Variants in CAMK2D observed in about 807,000 individuals in gnomAD.
CAMK2D encodes calcium/calmodulin-dependent protein kinase type II subunit delta.
In CAMK2D, 37 loss-of-function variants were observed where a neutral mutation model predicts 84.0. That is an observed-to-expected ratio of 0.44 (90% confidence interval 0.34 to 0.58). The LOEUF (loss-of-function observed/expected upper bound fraction) is 0.58. Ranked by LOEUF, CAMK2D falls within the 20% of genes least tolerant of loss-of-function variation. The pLI is 0.02. For synonymous variants in CAMK2D, 202 were observed against 212.5 expected (o/e 0.95, Z 0.43); for missense variants, 448 against 652.5 (o/e 0.69, Z 3.41).
chr4:113,671,992 T>C (rs540365593), intron 2 of CAMK2D, among the ~76,000 whole-genome samples: 7 of 152,336 alleles, frequency 4.6e-5, no homozygotes, highest in African/African-American at 1.7e-4. Flanking sequence ...ACCTCCCAGA[T>C]TGCATACATG....
intron 16 of CAMK2D, among the ~76,000 whole-genome samples, chr4:113,492,614 T>C (rs1417800244): frequency 6.6e-6 from 1 of 151,562 alleles, no homozygotes; most frequent in Non-Finnish European, 1.5e-5. Context: ...AAAATGTATA[T>C]TCTGTTGATT....
chr4:113,495,693 A>C (rs1192865781), intron 16 of CAMK2D, among the ~76,000 whole-genome samples: 1 of 152,174 alleles, frequency 6.6e-6, no homozygotes, highest in Non-Finnish European at 1.5e-5. Context: ...CCTCATTACT[A>C]CTACCTAGTA....
At chr4:113,554,992 A>G (rs1057093007) in intron 4 of CAMK2D, among the ~76,000 whole-genome samples, 1 of 152,020 alleles carries the variant, frequency 6.6e-6, no homozygotes, top group African/African-American at 2.4e-5. Context: ...AAAAAATGAG[A>G]TATGTATCAG....
chr4:113,665,966 T>C (rs929218756), intron 2 of CAMK2D, among the ~76,000 whole-genome samples: 1 of 152,248 alleles, frequency 6.6e-6, no homozygotes, highest in African/African-American at 2.4e-5. Context: ...AATGTTGTTA[T>C]AACATTGCTT....
Position 113,530,166 on chromosome 4 carries a change from G to GTTT in CAMK2D, c.601+1047_601+1049dup, listed in dbSNP as rs1277302189. Among the ~76,000 whole-genome samples the GTTT allele has an allele frequency of 2.6e-5, 4 of 152,206 alleles. No homozygotes were observed. The East Asian group carries it at 7.7e-4, about 29-fold the overall frequency. On this transcript the variant is annotated intron_variant, in intron 8 of 20. Coordinates refer to ENST00000511664, the MANE Select transcript of CAMK2D (RefSeq NM_001321571.2). ...ATCCAAAATGCTAAGGACCAGAAAT[G>GTTT]TTTCAGATTTTGGATTTTTTCAGAT...
intron 17 of CAMK2D, among the ~76,000 whole-genome samples, chr4:113,464,120 T>G (rs562470116): frequency 6.6e-6 from 1 of 152,222 alleles, no homozygotes; most frequent in African/African-American, 2.4e-5. Flanking sequence ...AAAGTCACCA[T>G]TGTCCTGCAG....
chr4:113,512,001 A>G (rs980981958), intron 12 of CAMK2D, among the ~76,000 whole-genome samples: 1 of 152,208 alleles, frequency 6.6e-6, no homozygotes, highest in East Asian at 1.9e-4. Flanking sequence ...ACACTATAAC[A>G]CCCAGGCTAA....
intron 4 of CAMK2D, among the ~76,000 whole-genome samples, chr4:113,578,736 T>A (rs952102544): frequency 3.3e-5 from 5 of 152,148 alleles, no homozygotes; most frequent in African/African-American, 1.2e-4. Flanking sequence ...TCTCATTTCT[T>A]CCCCTAAACA....
intron 4 of CAMK2D, among the ~76,000 whole-genome samples, chr4:113,597,040 C>A (rs2098930499): frequency 1.3e-5 from 2 of 152,058 alleles, no homozygotes; most frequent in African/African-American, 4.8e-5. Flanking sequence ...GGATGGTCTC[C>A]ATCTCCTGAC....
At chr4:113,664,804 G>T (rs1437345796) in intron 2 of CAMK2D, among the ~76,000 whole-genome samples, 1 of 133,946 alleles carries the variant, frequency 7.5e-6, no homozygotes, top group Non-Finnish European at 1.5e-5. Context: ...TGCCACAGTA[G>T]ATTTTTTTTT....
intron 4 of CAMK2D, among the ~76,000 whole-genome samples, chr4:113,581,944 C>T (rs1461278660): frequency 6.6e-6 from 1 of 152,194 alleles, no homozygotes; most frequent in Non-Finnish European, 1.5e-5. Flanking sequence ...ATGCTCATCT[C>T]CCTTTCCATG....
At chr4:113,663,836 TA>T (rs1045253324) in intron 2 of CAMK2D, among the ~76,000 whole-genome samples, 1 of 151,922 alleles carries the variant, frequency 6.6e-6, no homozygotes, top group African/African-American at 2.4e-5. Flanking sequence ...AACATAACTA[TA>T]AAAAAATTAT....
At chr4:113,503,882 A>G (rs1290329701) in intron 14 of CAMK2D, among the ~76,000 whole-genome samples, 1 of 152,180 alleles carries the variant, frequency 6.6e-6, no homozygotes, top group Non-Finnish European at 1.5e-5. Flanking sequence ...TATCTTGGCA[A>G]TGGGGAGGTA....
chr4:113,608,156 TA>T (rs2098985794), intron 4 of CAMK2D, among the ~76,000 whole-genome samples: 1 of 152,180 alleles, frequency 6.6e-6, no homozygotes, highest in African/African-American at 2.4e-5. Context: ...TTTCAGACCA[TA>T]GGGGAACTCA....
intron 2 of CAMK2D, chr4:113,677,642 T>C: frequency 2.3e-6 from 1 of 436,838 alleles, no homozygotes; most frequent in Non-Finnish European, 3.0e-6. Flanking sequence ...TAGTGGCCCT[T>C]GGATAAGAAC....
intron 4 of CAMK2D, among the ~76,000 whole-genome samples, chr4:113,601,683 CTTTTTTT>C (rs755850795): frequency 4.1e-4 from 19 of 45,830 alleles, no homozygotes; most frequent in South Asian, 1.2e-3. Context: ...ACTGTTTATT[CTTTTTTT>C]TTTTTTTTTT....
At chr4:113,523,863 T>G (rs952967902) in intron 8 of CAMK2D, among the ~76,000 whole-genome samples, 1 of 151,866 alleles carries the variant, frequency 6.6e-6, no homozygotes, top group Non-Finnish European at 1.5e-5. Flanking sequence ...TGTTTTTTTG[T>G]TTTGTTTTGT....
At chr4:113,558,733 G>A (rs2098683146) in intron 4 of CAMK2D, among the ~76,000 whole-genome samples, 1 of 152,192 alleles carries the variant, frequency 6.6e-6, no homozygotes, top group African/African-American at 2.4e-5. Context: ...TTTGCCGGGT[G>A]TGGTGGCTCA....
chr4:113,495,030 GC>G (rs2097909711), intron 16 of CAMK2D, among the ~76,000 whole-genome samples: 1 of 152,054 alleles, frequency 6.6e-6, no homozygotes, highest in Admixed American at 6.5e-5. Context: ...ACTGACCTGC[GC>G]CCACTGTGTG....
Sources: allele counts gnomAD v4.1 joint callset (sites outside exome capture counted in the v4.1 genomes callset), GRCh38; gene constraint gnomAD v4.1.1; transcripts MANE v1.5; gene names NCBI Gene and HGNC (gene_info 2026-07-23, HGNC 2026-07-21).